The following CHN1 variants were observed in gnomAD, a reference collection of about 807,000 sequenced individuals.
The protein encoded by CHN1 is chimerin 1.
In CHN1, 37 loss-of-function variants were observed where a neutral mutation model predicts 59.5. The observed-to-expected ratio is 0.62, with a 90% CI of 0.48 to 0.82. The LOEUF (loss-of-function observed/expected upper bound fraction) is 0.82, where lower values mean the gene tolerates loss of function less well. CHN1 is among the 40% of genes least tolerant of loss of function. The probability of loss-of-function intolerance (pLI) is 0.00; values close to 1 mark genes in which losing one functional copy is unlikely to be tolerated. For synonymous variants in CHN1, 206 were observed against 200.4 expected, an observed-to-expected ratio of 1.03 and a Z score of -0.24; for missense variants, 469 against 571.0, an observed-to-expected ratio of 0.82 and a Z score of 1.82.
chr2:174,881,705 T>A (rs1414562365), intron 5 of CHN1, among the ~76,000 whole-genome samples: 1 of 152,200 alleles, frequency 6.6e-6, no homozygotes, highest in African/African-American at 2.4e-5. Context: ...TACAGGAACA[T>A]CTCTGCACTG....
chr2:174,984,785 T>C (rs1254277732), intron 1 of CHN1, among the ~76,000 whole-genome samples: 4 of 152,154 alleles, frequency 2.6e-5, no homozygotes, highest in Admixed American at 2.6e-4. Context: ...AAAGGAATAG[T>C]TTTCAACGTG....
chr2:174,892,040 T>C (rs937629063), intron 5 of CHN1, among the ~76,000 whole-genome samples: 1 of 152,082 alleles, frequency 6.6e-6, no homozygotes, highest in African/African-American at 2.4e-5. Flanking sequence ...CTACCAAGAC[T>C]GAATTATAAA....
intron 6 of CHN1, among the ~76,000 whole-genome samples, chr2:174,864,839 T>G (rs1309403469): frequency 6.6e-6 from 1 of 152,170 alleles, no homozygotes; most frequent in Non-Finnish European, 1.5e-5. Flanking sequence ...TAGTCCAGCC[T>G]GGGTTGACAG....
intron 3 of CHN1, among the ~76,000 whole-genome samples, chr2:174,923,756 G>A (rs899934758): frequency 1.3e-5 from 2 of 152,126 alleles, no homozygotes; most frequent in Admixed American, 6.5e-5. Flanking sequence ...CTTACAGTAA[G>A]TCCATAATCT....
intron 11 of CHN1, 193 bp from the exon 12 acceptor site, chr2:174,802,005 G>T (rs978665465): frequency 1.1e-5 from 5 of 453,758 alleles, no homozygotes; most frequent in African/African-American, 1.0e-4. Flanking sequence ...GTTTCAATGT[G>T]GCAACACTAT....
intron 8 of CHN1, among the ~76,000 whole-genome samples, chr2:174,819,871 G>GT (rs1685422153): frequency 7.9e-6 from 1 of 127,378 alleles, no homozygotes. Flanking sequence ...GTGTCCATGT[G>GT]TTCTCATTGT....
chr2:174,897,543 A>C (rs1688255895), intron 5 of CHN1, among the ~76,000 whole-genome samples: 1 of 151,892 alleles, frequency 6.6e-6, no homozygotes, highest in South Asian at 2.1e-4. Flanking sequence ...AAATACCCCA[A>C]AGTTTAGCTC....
chr2:174,942,583 T>C (rs529349469), intron 3 of CHN1, among the ~76,000 whole-genome samples: 2 of 152,240 alleles, frequency 1.3e-5, no homozygotes, highest in East Asian at 1.9e-4. Context: ...ACAAATAATT[T>C]ATATTTTCAA....
chr2:174,843,677 A>C (rs1686393093), intron 7 of CHN1, among the ~76,000 whole-genome samples: 1 of 151,974 alleles, frequency 6.6e-6, no homozygotes, highest in South Asian at 2.1e-4. Context: ...CTTAAGTATA[A>C]ATAAATGTCA....
chr2:174,855,699 G>A (rs370380951), intron 6 of CHN1, among the ~76,000 whole-genome samples: 2 of 152,060 alleles, frequency 1.3e-5, no homozygotes, highest in East Asian at 3.8e-4. Flanking sequence ...GTATGATAAA[G>A]TTTAGTTGTC....
At position 174,840,161 on chromosome 2, in the gene CHN1, CTTTTTTTTT is replaced by C. The variant is rs71407154; in HGVS notation, c.627+6710_627+6718del. On this transcript the variant is annotated intron_variant, in intron 7 of 12. Coordinates refer to ENST00000409900, the MANE Select transcript of CHN1 (RefSeq NM_001822.7). ...GCCAGTGTTTATGCATAAAACCATT[CTTTTTTTTT>C]TTTTTTTTTTTTTTTTGAGATGGGG... 5.5e-4 allele frequency among the ~76,000 whole-genome samples: 37 copies of C among 67,392 alleles called. 2 individuals are homozygous for C. Among genetic ancestry groups the C allele is most frequent in the Admixed American group, 5.2e-3 (22 of 4,256 alleles). The allele number at this position is 67,392 out of a possible 152,430, so 44.2% of individuals were successfully genotyped here. A position where few individuals can be genotyped will look rare whatever the true frequency, so the allele number is the denominator to read the frequency against.
intron 8 of CHN1, among the ~76,000 whole-genome samples, chr2:174,822,246 TCTC>T (rs1685522513): frequency 6.6e-6 from 1 of 152,072 alleles, no homozygotes; most frequent in African/African-American, 2.4e-5. Context: ...AAATGAAAAA[TCTC>T]CTCAAGGCTT....
At chr2:174,901,345 A>T (rs1011948159) in intron 5 of CHN1, among the ~76,000 whole-genome samples, 10 of 152,026 alleles carry the variant, frequency 6.6e-5, no homozygotes, top group African/African-American at 2.4e-4. Context: ...TTGCCCTCTC[A>T]CTCACTCTCT....
chr2:174,893,100 G>C (rs1004112320), intron 5 of CHN1, among the ~76,000 whole-genome samples: 1 of 152,132 alleles, frequency 6.6e-6, no homozygotes, highest in African/African-American at 2.4e-5. Context: ...GTTCAACCTA[G>C]TACTGGAAGT....
At chr2:174,893,948 C>T (rs1688131377) in intron 5 of CHN1, among the ~76,000 whole-genome samples, 1 of 152,070 alleles carries the variant, frequency 6.6e-6, no homozygotes, top group Admixed American at 6.6e-5. Context: ...CTGTATACAC[C>T]ATGTACAAAC....
chr2:174,948,027 T>C (rs1221805157), intron 2 of CHN1, among the ~76,000 whole-genome samples: 3 of 152,162 alleles, frequency 2.0e-5, no homozygotes, highest in African/African-American at 7.2e-5. Flanking sequence ...TACTTAATAT[T>C]TTCAGTCACC....
Position 174,878,203 on chromosome 2 carries a change from C to A in CHN1, c.261-75G>T, listed in dbSNP as rs1687632656. The A allele has an allele frequency of 3.9e-6, 5 of 1,292,300 alleles. No individual in the cohort carries two copies. Among genetic ancestry groups the A allele is most frequent in the Non-Finnish European group, 5.2e-6 (5 of 957,564 alleles). The allele number at this position is 1,292,300 out of a possible 1,614,324, so 80.1% of individuals were successfully genotyped here. A position where few individuals can be genotyped will look rare whatever the true frequency, so the allele number is the denominator to read the frequency against. ...ATTCTTTCTGAAAAAAAAACAAAAA[C>A]AAAAAAAAACTATCGCTTTGTTTTG... On this transcript the variant is annotated intron_variant, in intron 5 of 12. Coordinates refer to ENST00000409900, the MANE Select transcript of CHN1 (RefSeq NM_001822.7).
At chr2:174,972,865 G>A (rs925948637) in intron 1 of CHN1, among the ~76,000 whole-genome samples, 3 of 152,144 alleles carry the variant, frequency 2.0e-5, no homozygotes, top group Non-Finnish European at 4.4e-5. Flanking sequence ...CATAATATCT[G>A]CATCCACAGA....
chr2:174,986,175 C>T (rs1691334667), intron 1 of CHN1, among the ~76,000 whole-genome samples: 1 of 152,010 alleles, frequency 6.6e-6, no homozygotes, highest in African/African-American at 2.4e-5. Context: ...TGTAATGAAG[C>T]TTGAGAATCT....
Sources: allele counts gnomAD v4.1 joint callset (sites outside exome capture counted in the v4.1 genomes callset), GRCh38; gene constraint gnomAD v4.1.1; transcripts MANE v1.5; gene names NCBI Gene and HGNC (gene_info 2026-07-23, HGNC 2026-07-21).